Variants in COL28A1 observed in about 807,000 individuals in gnomAD.
COL28A1 encodes the protein collagen type XXVIII alpha 1 chain.
A neutral mutation model predicts 150.2 loss-of-function variants in COL28A1; 161 were observed. The ratio of observed to expected loss-of-function variants is 1.07; its 90% CI spans 0.94 to 1.22. The LOEUF (loss-of-function observed/expected upper bound fraction) is 1.22, where lower values mean the gene tolerates loss of function less well. COL28A1 is among the 50% of genes most tolerant of loss of function. The probability of loss-of-function intolerance (pLI) is 0.00; values close to 1 mark genes in which losing one functional copy is unlikely to be tolerated. For synonymous variants in COL28A1, 552 were observed against 469.7 expected (o/e 1.18, Z -2.26); for missense variants, 1,617 against 1,388.3 (o/e 1.16, Z -2.62).
intron 1 of COL28A1, among the ~76,000 whole-genome samples, chr7:7,533,197 C>T (rs745507838): frequency 4.6e-5 from 7 of 152,056 alleles, no homozygotes; most frequent in Non-Finnish European, 1.0e-4. Context: ...GTTGGGAGAG[C>T]CATTTAAAAA....
intron 17 of COL28A1, among the ~76,000 whole-genome samples, chr7:7,452,690 T>C (rs1309267119): frequency 6.6e-6 from 1 of 152,202 alleles, no homozygotes; most frequent in African/African-American, 2.4e-5. Flanking sequence ...GGCAGTTGCA[T>C]TCTAGAACAA....
At chr7:7,532,354 G>C (rs1396237411) in intron 2 of COL28A1, among the ~76,000 whole-genome samples, 1 of 151,862 alleles carries the variant, frequency 6.6e-6, no homozygotes, top group African/African-American at 2.4e-5. Flanking sequence ...CCTATACCAA[G>C]AGTAAGTGGA....
At chr7:7,445,788 A>T (rs1037225678) in intron 18 of COL28A1, among the ~76,000 whole-genome samples, 5 of 152,220 alleles carry the variant, frequency 3.3e-5, no homozygotes, top group African/African-American at 1.2e-4. Context: ...CACTAAGTAG[A>T]TGGAATGATA....
chr7:7,384,380 G>A (rs1487283193), intron 27 of COL28A1, among the ~76,000 whole-genome samples: 1 of 152,190 alleles, frequency 6.6e-6, no homozygotes, highest in Non-Finnish European at 1.5e-5. Context: ...AGTCAGAATA[G>A]AATACAGTAG....
chr7:7,383,788 C>G (rs1461431011), intron 27 of COL28A1, among the ~76,000 whole-genome samples: 8 of 150,604 alleles, frequency 5.3e-5, no homozygotes. Context: ...CATTAGCCTT[C>G]TGATGCACAT....
downstream of COL28A1, among the ~76,000 whole-genome samples, chr7:7,354,651 T>C (rs1310422747): frequency 6.6e-6 from 1 of 152,208 alleles, no homozygotes; most frequent in Non-Finnish European, 1.5e-5. Flanking sequence ...AGTATATTAT[T>C]ATTTCTAATG....
At chr7:7,385,598 C>A (rs895474878) in intron 27 of COL28A1, among the ~76,000 whole-genome samples, 1 of 152,196 alleles carries the variant, frequency 6.6e-6, no homozygotes, top group East Asian at 1.9e-4. Context: ...GACTAACTAG[C>A]TGCCTTTAAG....
intron 16 of COL28A1, among the ~76,000 whole-genome samples, chr7:7,455,503 T>C (rs1787077550): frequency 6.6e-6 from 1 of 152,220 alleles, no homozygotes; most frequent in Non-Finnish European, 1.5e-5. Flanking sequence ...GGGCCAGGTG[T>C]CATTTATAAA....
chr7:7,451,565 A>G (rs938636568), intron 18 of COL28A1, among the ~76,000 whole-genome samples: 3 of 152,010 alleles, frequency 2.0e-5, no homozygotes, highest in Non-Finnish European at 2.9e-5. Flanking sequence ...ATTGCACGTC[A>G]TAAGTAGTGA....
chr7:7,344,381 G>A, the COL28A1 span, among the ~76,000 whole-genome samples: 1 of 151,576 alleles, frequency 6.6e-6, no homozygotes, highest in Non-Finnish European at 1.5e-5. Flanking sequence ...TCCTCTAATG[G>A]CTTTTTAGTT....
chr7:7,435,120 CTA>C (rs1295512322), intron 23 of COL28A1, among the ~76,000 whole-genome samples: 2 of 152,090 alleles, frequency 1.3e-5, no homozygotes, highest in African/African-American at 4.8e-5. Flanking sequence ...ATACCATCAC[CTA>C]TAATGCCTAA....
chr7:7,442,694 G>A (rs1337038541), intron 20 of COL28A1, among the ~76,000 whole-genome samples: 1 of 152,054 alleles, frequency 6.6e-6, no homozygotes, highest in East Asian at 1.9e-4. Flanking sequence ...TACTTGACTT[G>A]TATATAATCC....
At chr7:7,400,142 A>G (rs1783091062) in intron 27 of COL28A1, among the ~76,000 whole-genome samples, 1 of 152,226 alleles carries the variant, frequency 6.6e-6, no homozygotes, top group Non-Finnish European at 1.5e-5. Flanking sequence ...TGCTGATTTA[A>G]TACTTGAGTA....
At chr7:7,374,463 AC>A (rs1781439000) in intron 31 of COL28A1, among the ~76,000 whole-genome samples, 1 of 152,154 alleles carries the variant, frequency 6.6e-6, no homozygotes, top group Admixed American at 6.5e-5. Flanking sequence ...GGCAGCTTTC[AC>A]GTTATCAAGG....
At chr7:7,501,436 G>A (rs568867324) in intron 11 of COL28A1, among the ~76,000 whole-genome samples, 2 of 152,116 alleles carry the variant, frequency 1.3e-5, no homozygotes, top group African/African-American at 2.4e-5. Flanking sequence ...TCCTGCACAC[G>A]CCACTGTGCA....
At chr7:7,410,937 C>T (rs966676933) in intron 27 of COL28A1, among the ~76,000 whole-genome samples, 2 of 151,998 alleles carry the variant, frequency 1.3e-5, no homozygotes, top group African/African-American at 4.8e-5. Flanking sequence ...ACGAATAAAT[C>T]GTTTCTATTT....
intron 27 of COL28A1, among the ~76,000 whole-genome samples, chr7:7,415,243 C>A (rs554719260): frequency 1.3e-5 from 2 of 152,336 alleles, no homozygotes; most frequent in South Asian, 4.1e-4. Flanking sequence ...CACCTGCAAG[C>A]AGATTTCACT....
At chr7:7,512,705 C>T (rs1416700604) in intron 8 of COL28A1, among the ~76,000 whole-genome samples, 1 of 152,086 alleles carries the variant, frequency 6.6e-6, no homozygotes, top group African/African-American at 2.4e-5. Flanking sequence ...TTTCAAAATG[C>T]TTTTATATAT....
downstream of COL28A1, among the ~76,000 whole-genome samples, chr7:7,352,082 T>C (rs58326352): frequency 0.056 from 8,558 of 152,298 alleles, 825 homozygotes; most frequent in African/African-American, 0.2. Flanking sequence ...CTCATTGATA[T>C]ATCCCTTCTC....
Sources: gnomAD v4.1 joint callset for allele counts (sites outside exome capture counted in the v4.1 genomes callset) on GRCh38, gnomAD v4.1.1 for gene constraint, MANE v1.5 for transcripts, NCBI Gene and HGNC (gene_info 2026-07-23, HGNC 2026-07-21) for gene names.